The following CFAP74 variants were observed in gnomAD, a reference collection of about 807,000 sequenced individuals.
The protein encoded by CFAP74 is cilia and flagella associated protein 74.
A neutral mutation model predicts 188.9 loss-of-function variants in CFAP74; 124 were observed. The observed-to-expected ratio is 0.66, with a 90% CI of 0.57 to 0.76. The LOEUF (loss-of-function observed/expected upper bound fraction) is 0.76, where lower values mean the gene tolerates loss of function less well. Among genes scored for constraint, CFAP74 ranks in the 30% least tolerant of loss-of-function variants. CFAP74 has a pLI of 0.00. For missense variants in CFAP74, 2,198 were observed against 2,165.2 expected (o/e 1.02, Z -0.30); for synonymous variants, 956 against 916.7 (o/e 1.04, Z -0.77).
Position 1,938,981 on chromosome 1 carries a change from T to C in CFAP74, c.2885A>G (p.Asp962Gly), listed in dbSNP as rs1271070850. 2 of 1,535,778 alleles carry C rather than the reference T, an allele frequency of 1.3e-6. No homozygotes were observed. The highest frequency in any genetic ancestry group is 2.4e-5 in the South Asian group (2 of 84,054). Reference sequence around the variant, plus strand: ...CCCAAACCCATCGTTGGGTTGGACGTCCACAAACTGGAAATAGAAGAGTGC... The same window carrying C: ...CCCAAACCCATCGTTGGGTTGGACGCCCACAAACTGGAAATAGAAGAGTGC... ...FGFVRLPKFV[D>G]VQPNDGFGTI... Residue 962 changes from aspartate (D) to glycine (G), a missense_variant, in exon 25 of 39, where the codon GAC becomes GGC. Physicochemically the swap from Asp to Gly is moderately conservative, Grantham distance 94. Transcript: ENST00000682832.
intron 21 of CFAP74, among the ~76,000 whole-genome samples, chr1:1,943,303 C>T (rs570619448): frequency 1.1e-4 from 17 of 152,340 alleles, no homozygotes; most frequent in African/African-American, 3.4e-4. Flanking sequence ...CAGACTCCAC[C>T]GCAGACACGC....
chr1:1,969,070 C>G (rs1210893632), intron 10 of CFAP74, among the ~76,000 whole-genome samples: 2 of 152,302 alleles, frequency 1.3e-5, no homozygotes, highest in Admixed American at 1.3e-4. Flanking sequence ...AACGCAAGCT[C>G]CAGTGGGAAG....
At chr1:1,938,831 G>A (rs1008903509) in intron 25 of CFAP74, 24 bp downstream of exon 25, 44 of 1,534,684 alleles carry the variant, frequency 2.9e-5, no homozygotes, top group East Asian at 7.3e-5. Context: ...GGCCCCCTGC[G>A]TCCCCTCTCC....
At chr1:1,988,816 T>TGGGGGGG in intron 3 of CFAP74, 73 bp downstream of exon 3, 2 of 569,882 alleles carry the variant, frequency 3.5e-6, no homozygotes, top group Non-Finnish European at 2.9e-6. Context: ...CCCGCTCCCT[T>TGGGGGGG]CACCCACCCC....
chr1:1,966,029 A>G (rs1412833757), intron 12 of CFAP74, among the ~76,000 whole-genome samples: 2 of 152,244 alleles, frequency 1.3e-5, no homozygotes, highest in African/African-American at 4.8e-5. Flanking sequence ...ATGCTTCTCC[A>G]ATAGTACACG....
chr1:1,932,082 A>AAAC (rs1553217911), intron 25 of CFAP74, among the ~76,000 whole-genome samples: 1 of 64,952 alleles, frequency 1.5e-5, no homozygotes, highest in African/African-American at 3.9e-5. Flanking sequence ...AAAAAAAACA[A>AAAC]AAAACAAAAA....
intron 34 of CFAP74, among the ~76,000 whole-genome samples, chr1:1,924,152 AGCT>A (rs1651633235): frequency 2.6e-5 from 1 of 39,086 alleles, no homozygotes; most frequent in African/African-American, 1.1e-4. Flanking sequence ...CCACCCCCCC[AGCT>A]CACCGCCCAC....
Position 1,923,279 on chromosome 1 carries a change from C to G in CFAP74, c.4522+88G>C, listed in dbSNP as rs1018597084. The G allele has an allele frequency of 6.7e-7, 1 of 1,501,442 alleles. No homozygotes were observed. The highest frequency in any genetic ancestry group is 1.4e-5 in the African/African-American group (1 of 71,522). 93.0% of individuals were successfully genotyped at this position (1,501,442 alleles called of 1,614,324 possible). A position where few individuals can be genotyped will look rare whatever the true frequency, so the allele number is the denominator to read the frequency against. On this transcript the variant is annotated intron_variant, in intron 36 of 38. Transcript: ENST00000682832. This position sits in a 1 kb window ranked among gnomAD's most constrained non-coding sequence, Gnocchi z 6.3. ...GGGGTAGAAGGCTGGGAATCCCTGC[C>G]CTGCTCCGCTGGGTCTCGGGGCCCC...
At chr1:1,952,823 TA>T (rs35595511) in intron 18 of CFAP74, among the ~76,000 whole-genome samples, 59,322 of 151,130 alleles carry the variant, frequency 0.39, 13,853 homozygotes, top group Admixed American at 0.52. Flanking sequence ...CCTGGCTAAT[TA>T]AAAAAAAACT....
Position 1,989,039 on chromosome 1 carries a change from A to G in CFAP74, c.68-66T>C, listed in dbSNP as rs555277112. 6 of 837,936 alleles carry G rather than the reference A, an allele frequency of 7.2e-6. No homozygotes were observed. In the African/African-American group the frequency reaches 1.0e-4, roughly 14 times the overall value. 51.9% of individuals were successfully genotyped at this position (837,936 alleles called of 1,614,324 possible). A position where few individuals can be genotyped will look rare whatever the true frequency, so the allele number is the denominator to read the frequency against. On this transcript the variant is annotated intron_variant, in intron 2 of 38. Coordinates refer to ENST00000682832, the MANE Select transcript of CFAP74 (RefSeq NM_001304360.2). ...ATCAAACATTTGCATCTGAAGTTTTAGGATAAATCTTTTTCTTTTTTTGGG... is the reference window on the plus strand; with the variant it reads ...ATCAAACATTTGCATCTGAAGTTTTGGGATAAATCTTTTTCTTTTTTTGGG...
intron 4 of CFAP74, among the ~76,000 whole-genome samples, 177 bp downstream of exon 4, chr1:1,988,335 G>A (rs1028413958): frequency 7.9e-5 from 12 of 152,196 alleles, no homozygotes; most frequent in African/African-American, 2.9e-4. Context: ...GGCTGGGAGC[G>A]CTGGGCACTA....
At chr1:1,931,703 C>G (rs1269723340) in intron 25 of CFAP74, among the ~76,000 whole-genome samples, 1 of 143,544 alleles carries the variant, frequency 7.0e-6, no homozygotes, top group Non-Finnish European at 1.5e-5. Context: ...TGCCACTGCA[C>G]TCCAGCCTGG....
intron 31 of CFAP74, 37 bp downstream of exon 31, chr1:1,926,420 A>ACC: frequency 6.5e-7 from 1 of 1,550,022 alleles, no homozygotes; most frequent in Non-Finnish European, 8.7e-7. Flanking sequence ...CCCCGCTCCC[A>ACC]CCCCGCAGGC....
rs766714920 is a variant in CFAP74, at chr1:1,974,127, A to T, written c.572T>A (p.Val191Glu). 2.0e-5 allele frequency: 32 copies of T among 1,610,886 alleles called. No homozygotes were observed. The highest frequency in any genetic ancestry group is 2.7e-5 in the Non-Finnish European group (32 of 1,178,818). ...EAFRTADREE[V>E]EATGRRLQVR... Reference sequence around the variant, plus strand: ...CTGGAGCCGCCGCCCCGTGGCCTCCACCTCCTCACGGTCAGCTGTCCGGAA... The same window carrying T: ...CTGGAGCCGCCGCCCCGTGGCCTCCTCCTCCTCACGGTCAGCTGTCCGGAA... The change falls in exon 7 of 39, where the codon GTG becomes GAG. Residue 191 changes from valine (V) to glutamate (E), a missense_variant. Transcript: ENST00000682832.
rs185179105 is a variant in CFAP74 at position 1,941,416 on chromosome 1, C to A, written c.2615+612G>T. Among the ~76,000 whole-genome samples, 435 of 152,320 alleles carry A rather than the reference C, an allele frequency of 2.9e-3. 3 individuals are homozygous for A. The highest frequency in any genetic ancestry group is 4.6e-3 in the Non-Finnish European group (312 of 68,034). ...CTCCAAAGCACAACAAATGTTCAAG[C>A]GCAGAAATCAAAGTTCACCTGGCAA... On this transcript the variant is annotated intron_variant, in intron 22 of 38. Coordinates refer to ENST00000682832, the MANE Select transcript of CFAP74 (RefSeq NM_001304360.2).
In CFAP74 at chr1:1,927,672, G is replaced by T. The variant is rs149316970; in HGVS notation, c.3462C>A (p.Arg1154=). Reference sequence around the variant, plus strand: ...GGACAGAGACTTTGAACAGCTTGTCGCGGTTCTGTGCTCGAAGAACGGAGA... The same window carrying T: ...GGACAGAGACTTTGAACAGCTTGTCTCGGTTCTGTGCTCGAAGAACGGAGA... ...LSFSVLRAQN[R]DKLFKVSVPH... is the part of the protein sequence containing the mutation. The change falls in exon 28 of 39, where the codon CGC becomes CGA. Residue 1154 remains arginine, a synonymous_variant. Coordinates refer to ENST00000682832, the MANE Select transcript of CFAP74 (RefSeq NM_001304360.2). 6.5e-7 allele frequency: 1 copy of T among 1,550,196 alleles called. No homozygotes were observed. Among genetic ancestry groups the T allele is most frequent in the African/African-American group, 1.4e-5 (1 of 73,172 alleles).
chr1:1,924,592 A>C, intron 33 of CFAP74, 72 bp from the exon 34 acceptor site: 1 of 1,515,794 alleles, frequency 6.6e-7, no homozygotes, highest in Non-Finnish European at 8.9e-7. Context: ...GTCGGTGCCC[A>C]GGACTTGGCT....
At chr1:1,944,264 A>G (rs1289647279) in intron 21 of CFAP74, 67 bp downstream of exon 21, 1 of 1,512,114 alleles carries the variant, frequency 6.6e-7, no homozygotes, top group Admixed American at 2.0e-5. Context: ...CCGCGTGTGC[A>G]CAGGCAGGCA....
rs190533782 is a variant in CFAP74, at chr1:1,996,337, T to C, written c.-19-5362A>G. ...GTCTAAAACACAAGCTTAAGAAGCATTGCGTCAGAAAGAAAGGCAGGAAGC... is the reference window on the plus strand; with the variant it reads ...GTCTAAAACACAAGCTTAAGAAGCACTGCGTCAGAAAGAAAGGCAGGAAGC... On this transcript the variant is annotated intron_variant, in intron 1 of 38. Coordinates refer to ENST00000682832, the MANE Select transcript of CFAP74 (RefSeq NM_001304360.2). Among the ~76,000 whole-genome samples the C allele has an allele frequency of 2.1e-3, 326 of 152,198 alleles. 1 individual carries two copies. Among genetic ancestry groups the C allele is most frequent in the African/African-American group, 7.6e-3 (316 of 41,516 alleles).
Sources: allele counts gnomAD v4.1 joint callset (sites outside exome capture counted in the v4.1 genomes callset), GRCh38; gene constraint gnomAD v4.1.1; non-coding constraint Gnocchi (gnomAD v3.1); transcripts MANE v1.5; gene names NCBI Gene and HGNC (gene_info 2026-07-23, HGNC 2026-07-21).